Variants in SLMAP observed in about 807,000 individuals in gnomAD.
The protein encoded by SLMAP is sarcolemma associated protein.
In SLMAP, 44 loss-of-function variants were observed where a neutral mutation model predicts 128.8. The observed-to-expected ratio is 0.34, with a 90% CI of 0.27 to 0.44. The LOEUF (loss-of-function observed/expected upper bound fraction) is 0.44, where lower values mean the gene tolerates loss of function less well. SLMAP is among the 20% of genes least tolerant of loss of function. SLMAP has a pLI of 1.00. For synonymous variants in SLMAP, 327 were observed against 348.8 expected, an observed-to-expected ratio of 0.94 and a Z score of 0.70; for missense variants, 787 against 985.3, an observed-to-expected ratio of 0.80 and a Z score of 2.69.
rs2094862436 is a variant in SLMAP, at chr3:57,857,718, G to A, written c.520-15G>A. ...ATGAGCTTATTAGAATCTGTTTTGT[G>A]ATTTGTAATACTAGGAGGCCTTACA... On this transcript the variant is annotated splice_polypyrimidine_tract_variant and intron_variant, in intron 6 of 24. Transcript: ENST00000671191. 1 of 1,559,480 alleles carries A rather than the reference G, an allele frequency of 6.4e-7. No individual in the cohort carries two copies. The highest frequency in any genetic ancestry group is 1.4e-5 in the African/African-American group (1 of 73,924).
chr3:57,902,793 C>G (rs1390001531), intron 17 of SLMAP, among the ~76,000 whole-genome samples: 1 of 152,106 alleles, frequency 6.6e-6, no homozygotes, highest in Admixed American at 6.6e-5. Context: ...TTTAATTTGG[C>G]ACATGCTAAA....
chr3:57,779,966 A>G (rs761432054), intron 2 of SLMAP, among the ~76,000 whole-genome samples: 1 of 152,050 alleles, frequency 6.6e-6, no homozygotes, highest in East Asian at 1.9e-4. Context: ...TCATATTTAT[A>G]TGCTTATATT....
chr3:57,844,769 C>T (rs566621219), intron 4 of SLMAP, among the ~76,000 whole-genome samples: 3 of 137,720 alleles, frequency 2.2e-5, no homozygotes, highest in Non-Finnish European at 4.5e-5. Context: ...GGCTGTAGTG[C>T]GGTGGTGTGA....
intron 17 of SLMAP, chr3:57,901,309 CAG>C (rs1311940486): frequency 2.0e-5 from 3 of 152,210 alleles, no homozygotes; most frequent in Admixed American, 6.5e-5. Context: ...ATTTACCACA[CAG>C]AGAGTTATAG....
chr3:57,760,218 G>C (rs2078346049), intron 2 of SLMAP, among the ~76,000 whole-genome samples: 1 of 152,174 alleles, frequency 6.6e-6, no homozygotes, highest in Admixed American at 6.5e-5. Flanking sequence ...GGAATTACAG[G>C]CATAAGCCAC....
chr3:57,785,178 T>A (rs2083830776), intron 2 of SLMAP, among the ~76,000 whole-genome samples: 1 of 152,186 alleles, frequency 6.6e-6, no homozygotes, highest in African/African-American at 2.4e-5. Flanking sequence ...GAGGTACATT[T>A]CTTAATCTAC....
chr3:57,906,310 CTTTT>C (rs999042505), intron 17 of SLMAP, among the ~76,000 whole-genome samples: 9 of 47,036 alleles, frequency 1.9e-4, no homozygotes, highest in South Asian at 1.8e-3. Flanking sequence ...CTTTTTTTTT[CTTTT>C]TTTTTTTTTT....
At chr3:57,812,565 T>C (rs888398496) in intron 2 of SLMAP, among the ~76,000 whole-genome samples, 1 of 152,186 alleles carries the variant, frequency 6.6e-6, no homozygotes, top group African/African-American at 2.4e-5. Context: ...TGAAATTCTA[T>C]ATAAGTTTTA....
chr3:57,791,597 A>G (rs1405851721), intron 2 of SLMAP, among the ~76,000 whole-genome samples: 1 of 152,198 alleles, frequency 6.6e-6, no homozygotes, highest in African/African-American at 2.4e-5. Flanking sequence ...TAAGGTATGA[A>G]TAATTTTCTC....
chr3:57,790,695 C>T (rs1316672400), intron 2 of SLMAP, among the ~76,000 whole-genome samples: 1 of 152,108 alleles, frequency 6.6e-6, no homozygotes, highest in Admixed American at 6.5e-5. Context: ...TTATTAAACA[C>T]GTAAGACTAA....
chr3:57,868,923 ATATAATATATGT>A (rs1448536486), intron 13 of SLMAP, among the ~76,000 whole-genome samples: 1 of 135,660 alleles, frequency 7.4e-6, no homozygotes, highest in Admixed American at 8.3e-5. Flanking sequence ...ATTATATATA[ATATAATATATGT>A]TATATGTGTG....
At chr3:57,917,425 G>A (rs147725023) in intron 22 of SLMAP, 49 of 322,902 alleles carry the variant, frequency 1.5e-4, no homozygotes, top group African/African-American at 1.0e-3. Flanking sequence ...AAAGCAAACT[G>A]AGGCCATACT....
At chr3:57,781,868 G>A (rs1404775005) in intron 2 of SLMAP, among the ~76,000 whole-genome samples, 1 of 151,702 alleles carries the variant, frequency 6.6e-6, no homozygotes, top group African/African-American at 2.4e-5. Flanking sequence ...AAGTAGCTGG[G>A]ATTATAGGCA....
rs76544609 is a variant in SLMAP, at chr3:57,907,898, G to T, written c.1516G>T (p.Ala506Ser). The change falls in exon 18 of 25, where the codon GCA becomes TCA. Residue 506 changes from alanine (A) to serine (S), a missense_variant. By Grantham distance (99) the Ala-to-Ser change is moderately conservative. This residue lies in a region of SLMAP where 715 missense variants were observed against 843.6 expected (regional missense o/e 0.85). Transcript: ENST00000671191. ...VSLLKDDLQGAQSEIEAKQEI... is the reference protein window; with the variant it reads ...VSLLKDDLQGSQSEIEAKQEI... ...GTTTTTGTCAGATGACTTGCAGGGT[G>T]CACAGTCAGAAATTGAGGCAAAGCA... The T allele has an allele frequency of 9.3e-6, 15 of 1,613,528 alleles. No homozygotes were observed. In the African/African-American group the frequency reaches 2.0e-4, roughly 22 times the overall value.
intron 3 of SLMAP, among the ~76,000 whole-genome samples, chr3:57,832,322 T>C (rs1405054926): frequency 6.6e-6 from 1 of 152,156 alleles, no homozygotes; most frequent in African/African-American, 2.4e-5. Flanking sequence ...AGAAAGAAGA[T>C]GGAAAGGTAG....
At chr3:57,803,499 A>G (rs1319789865) in intron 2 of SLMAP, among the ~76,000 whole-genome samples, 1 of 152,252 alleles carries the variant, frequency 6.6e-6, no homozygotes, top group Admixed American at 6.5e-5. Flanking sequence ...TTGCAAAGCC[A>G]TCTAGATCCT....
At chr3:57,791,717 TTAAG>T (rs1432417569) in intron 2 of SLMAP, among the ~76,000 whole-genome samples, 4 of 152,152 alleles carry the variant, frequency 2.6e-5, no homozygotes, top group East Asian at 1.9e-4. Context: ...TTGGCTCAGA[TTAAG>T]TATTTAAAAA....
intron 4 of SLMAP, among the ~76,000 whole-genome samples, chr3:57,843,305 CTTTTTTTTTT>C: frequency 6.5e-5 from 6 of 92,112 alleles, no homozygotes; most frequent in African/African-American, 9.1e-5. Context: ...CTTTCTTTTC[CTTTTTTTTTT>C]TTTTTTTTTT....
At chr3:57,769,579 C>T (rs182081326) in intron 2 of SLMAP, among the ~76,000 whole-genome samples, 1 of 152,184 alleles carries the variant, frequency 6.6e-6, no homozygotes, top group East Asian at 1.9e-4. Context: ...CCACCTCAGG[C>T]TCCCAAAGTG....
Sources: gnomAD v4.1 joint callset for allele counts (sites outside exome capture counted in the v4.1 genomes callset) on GRCh38, gnomAD v4.1.1 for gene constraint, gnomAD v4.1.1 regional missense constraint, MANE v1.5 for transcripts, NCBI Gene and HGNC (gene_info 2026-07-23, HGNC 2026-07-21) for gene names.